ABL2: variants seen among roughly 807,000 people sequenced by gnomAD.
The protein encoded by ABL2 is ABL proto-oncogene 2, non-receptor tyrosine kinase, also known as tyrosine-protein kinase ABL2.
In ABL2, 49 loss-of-function variants were observed where a neutral mutation model predicts 107.7. That is an observed-to-expected ratio of 0.45 (90% CI 0.36 to 0.58). ABL2 has a LOEUF of 0.58. Among genes scored for constraint, ABL2 ranks in the 20% least tolerant of loss-of-function variants. The pLI, the probability that ABL2 is intolerant of heterozygous loss-of-function variation, is 0.00. For synonymous variants in ABL2, 549 were observed against 548.6 expected (o/e 1.00, Z -0.01); for missense variants, 1,245 against 1,457.0 (o/e 0.85, Z 2.37).
In ABL2 at chr1:179,105,074, G is replaced by C. The variant is rs1653381432; in HGVS notation, c.*2644C>G. On this transcript the variant is annotated 3_prime_UTR_variant, in exon 12 of 12. Coordinates refer to ENST00000502732, the MANE Select transcript of ABL2 (RefSeq NM_007314.4). ...ACATAGTTCAAGCATCATGTGGACG[G>C]GGTATGCTCCAATAGTCAATGCCAC... 1 of 230,418 alleles carries C rather than the reference G, an allele frequency of 4.3e-6. No homozygotes were observed. The highest frequency in any genetic ancestry group is 8.6e-6 in the Non-Finnish European group (1 of 116,240). The allele number at this position is 230,418 out of a possible 1,614,324, so 14.3% of individuals were successfully genotyped here. A position where few individuals can be genotyped will look rare whatever the true frequency, so the allele number is the denominator to read the frequency against.
intron 5 of ABL2, 33 bp from the exon 6 acceptor site, chr1:179,120,307 C>T (rs371965147): frequency 5.7e-5 from 80 of 1,400,920 alleles, no homozygotes; most frequent in Non-Finnish European, 7.5e-5. Context: ...AAGAAGAAAA[C>T]GAGAGGGACA....
intron 1 of ABL2, among the ~76,000 whole-genome samples, chr1:179,210,898 T>C (rs909542910): frequency 7.2e-5 from 11 of 151,840 alleles, no homozygotes; most frequent in Admixed American, 7.2e-4. Context: ...TTTCATATAC[T>C]GCCAGGAAGA....
chr1:179,158,712 T>C lies in ABL2; in HGVS notation c.158-25338A>G, dbSNP rs144380091. Among the ~76,000 whole-genome samples the C allele has an allele frequency of 5.3e-5, 8 of 152,308 alleles. No homozygotes were observed. In the East Asian group the frequency reaches 5.8e-4, roughly 11 times the overall value. On this transcript the variant is annotated intron_variant, in intron 1 of 11. Transcript: ENST00000502732. ...ACAAAAAGAACATTCCTTATGAATA[T>C]AGATGCAAAAGTCCTCAATAAATTA...
intron 1 of ABL2, among the ~76,000 whole-genome samples, chr1:179,194,710 C>G (rs528053938): frequency 4.6e-5 from 7 of 152,232 alleles, no homozygotes; most frequent in Admixed American, 2.6e-4. Context: ...TTCTGACACT[C>G]AGAATAAATG....
chr1:179,229,616 C>T lies in ABL2; in HGVS notation c.-219G>A. The T allele has an allele frequency of 7.6e-6, 4 of 526,692 alleles. No individual in the cohort carries two copies. Among genetic ancestry groups the T allele is most frequent in the Non-Finnish European group, 1.3e-5 (4 of 314,924 alleles). 32.6% of individuals were successfully genotyped at this position (526,692 alleles called of 1,614,324 possible). A position where few individuals can be genotyped will look rare whatever the true frequency, so the allele number is the denominator to read the frequency against. On this transcript the variant is annotated 5_prime_UTR_variant, in exon 1 of 12. Coordinates refer to ENST00000502732, the MANE Select transcript of ABL2 (RefSeq NM_007314.4). ...ATTCTGCTTTTCCCTCCTCCTGTCGCGGCTCCGCGCCCCCAACGCCGCCGC... is the reference window on the plus strand; with the variant it reads ...ATTCTGCTTTTCCCTCCTCCTGTCGTGGCTCCGCGCCCCCAACGCCGCCGC...
At chr1:179,207,309 T>C (rs1199072301) in intron 1 of ABL2, among the ~76,000 whole-genome samples, 1 of 152,102 alleles carries the variant, frequency 6.6e-6, no homozygotes, top group Non-Finnish European at 1.5e-5. Flanking sequence ...GCTGGACGTA[T>C]CCAATCAGAA....
At chr1:179,163,490 T>C (rs898423869) in intron 1 of ABL2, among the ~76,000 whole-genome samples, 1 of 152,202 alleles carries the variant, frequency 6.6e-6, no homozygotes, top group Non-Finnish European at 1.5e-5. Context: ...CTAACACCTG[T>C]AACCCCAGCA....
intron 1 of ABL2, among the ~76,000 whole-genome samples, chr1:179,136,151 T>C (rs1191357607): frequency 8.1e-5 from 12 of 147,382 alleles, no homozygotes; most frequent in African/African-American, 2.5e-4. Context: ...TCTGCCCGGC[T>C]GCCCCTACTG....
chr1:179,163,497 A>G (rs1297947235), intron 1 of ABL2, among the ~76,000 whole-genome samples: 1 of 152,204 alleles, frequency 6.6e-6, no homozygotes, highest in African/African-American at 2.4e-5. Flanking sequence ...CTGTAACCCC[A>G]GCACTTTGGG....
intron 1 of ABL2, chr1:179,184,477 A>G (rs1013570885): frequency 6.9e-6 from 6 of 869,542 alleles, no homozygotes; most frequent in Non-Finnish European, 1.1e-5. Flanking sequence ...GCAGGTGCTC[A>G]TATGTTAGGA....
intron 1 of ABL2, among the ~76,000 whole-genome samples, chr1:179,204,077 A>T (rs1661822416): frequency 6.6e-6 from 1 of 152,118 alleles, no homozygotes; most frequent in African/African-American, 2.4e-5. Context: ...CCCAGGCTGG[A>T]GTACAGTGGC....
In ABL2 at chr1:179,126,133, A is replaced by C. The variant is rs758920762; in HGVS notation, c.687+244T>G. Among the ~76,000 whole-genome samples, 1 of 152,174 alleles carries C rather than the reference A, an allele frequency of 6.6e-6. No individual in the cohort carries two copies. The highest frequency in any genetic ancestry group is 1.5e-5 in the Non-Finnish European group (1 of 68,036). On this transcript the variant is annotated intron_variant, in intron 4 of 11. Coordinates refer to ENST00000502732, the MANE Select transcript of ABL2 (RefSeq NM_007314.4). The surrounding 1 kb of genome is among the most constrained non-coding windows in gnomAD (Gnocchi z 4.4). Reference sequence around the variant, plus strand: ...GCTAACTTATAGAGCAGTTCCCTTCATTCTTCACCTTCAAATCTAGCTTAT... The same window carrying C: ...GCTAACTTATAGAGCAGTTCCCTTCCTTCTTCACCTTCAAATCTAGCTTAT...
intron 1 of ABL2, among the ~76,000 whole-genome samples, chr1:179,189,987 A>C (rs142342419): frequency 0.017 from 2,574 of 152,062 alleles, 73 homozygotes; most frequent in African/African-American, 0.058. Flanking sequence ...TGACGGGCTA[A>C]TTTTGTATTT....
intron 1 of ABL2, among the ~76,000 whole-genome samples, chr1:179,153,592 C>T (rs1312468680): frequency 6.6e-6 from 1 of 152,108 alleles, no homozygotes; most frequent in Non-Finnish European, 1.5e-5. Flanking sequence ...TGAAATCGTC[C>T]TCTGTTACAC....
In ABL2 at chr1:179,229,525, G is replaced by C. The variant is rs2124889977; in HGVS notation, c.-128C>G. The C allele has an allele frequency of 1.0e-6, 1 of 998,972 alleles. No homozygotes were observed. The highest frequency in any genetic ancestry group is 1.3e-6 in the Non-Finnish European group (1 of 746,272). The allele number at this position is 998,972 out of a possible 1,614,324, so 61.9% of individuals were successfully genotyped here. On this transcript the variant is annotated 5_prime_UTR_variant, in exon 1 of 12. Transcript: ENST00000502732. The stretch of plus-strand genomic sequence containing the variant: ...CCAGGCCCTGGCCCTGAGTGGCTGG[G>C]CCACCGGCGGCTCCGCACCCGGCCT...
At chr1:179,204,417 G>GC (rs1478979756) in intron 1 of ABL2, among the ~76,000 whole-genome samples, 3 of 152,000 alleles carry the variant, frequency 2.0e-5, no homozygotes, top group Non-Finnish European at 4.4e-5. Flanking sequence ...AGTTCCCTCC[G>GC]CATCTCTACT....
chr1:179,175,323 G>T (rs1659980695), intron 1 of ABL2, among the ~76,000 whole-genome samples: 1 of 147,076 alleles, frequency 6.8e-6, no homozygotes, highest in Non-Finnish European at 1.5e-5. Flanking sequence ...ATAAAGAGAG[G>T]CAAGATGTTA....
chr1:179,109,820 C>T (rs1337466168), intron 11 of ABL2, among the ~76,000 whole-genome samples: 2 of 151,230 alleles, frequency 1.3e-5, no homozygotes, highest in African/African-American at 4.9e-5. Flanking sequence ...TCCAGCTACT[C>T]GGAAAGCTGA....
chr1:179,184,252 A>G, intron 1 of ABL2: 1 of 529,554 alleles, frequency 1.9e-6, no homozygotes, highest in Non-Finnish European at 3.5e-6. Flanking sequence ...ATAGACTTTT[A>G]TTTTGATGAA....
Sources: gnomAD v4.1 joint callset for allele counts (sites outside exome capture counted in the v4.1 genomes callset) on GRCh38, gnomAD v4.1.1 for gene constraint, Gnocchi (gnomAD v3.1) non-coding constraint, MANE v1.5 for transcripts, NCBI Gene and HGNC (gene_info 2026-07-23, HGNC 2026-07-21) for gene names.